Variants in PHYHD1 observed in about 807,000 individuals in gnomAD.
The protein encoded by PHYHD1 is phytanoyl-CoA dioxygenase domain containing 1.
PHYHD1 carries 42 observed loss-of-function variants against 43.6 expected under a neutral mutation model. The ratio of observed to expected loss-of-function variants is 0.96; its 90% CI spans 0.75 to 1.25. PHYHD1 has a LOEUF of 1.25. Ranked by LOEUF, PHYHD1 falls within the 50% of genes most tolerant of loss-of-function variation. The pLI is 0.00. For synonymous variants in PHYHD1, 139 were observed against 143.6 expected, an observed-to-expected ratio of 0.97 and a Z score of 0.23; for missense variants, 342 against 370.8, an observed-to-expected ratio of 0.92 and a Z score of 0.64.
At chr9:128,934,083 G>C (rs563478394) in intron 6 of PHYHD1, 25 bp downstream of exon 6, 30 of 1,609,582 alleles carry the variant, frequency 1.9e-5, no homozygotes, top group Non-Finnish European at 2.5e-5. Context: ...GGGGGTACAG[G>C]AAAGAAGATC....
At chr9:128,931,485 C>T (rs1348319358) in intron 4 of PHYHD1, among the ~76,000 whole-genome samples, 1 of 152,124 alleles carries the variant, frequency 6.6e-6, no homozygotes, top group Non-Finnish European at 1.5e-5. Flanking sequence ...CAGCCTCTGG[C>T]TGAAGCCTCC....
intron 6 of PHYHD1, 55 bp downstream of exon 6, chr9:128,934,113 G>A: frequency 1.9e-6 from 3 of 1,562,128 alleles, no homozygotes; most frequent in Non-Finnish European, 2.6e-6. Context: ...GCTGGGAGTG[G>A]TGGCTTACAC....
intron 8 of PHYHD1, among the ~76,000 whole-genome samples, chr9:128,937,005 C>T (rs1353544519): frequency 1.3e-5 from 2 of 152,098 alleles, no homozygotes; most frequent in African/African-American, 4.8e-5. Context: ...GTCCCAGCTA[C>T]TCGGGAGGCT....
intron 4 of PHYHD1, among the ~76,000 whole-genome samples, chr9:128,930,641 G>GA (rs1841248912): frequency 6.8e-6 from 1 of 147,826 alleles, no homozygotes; most frequent in Admixed American, 6.7e-5. Flanking sequence ...AAAAAAAAAA[G>GA]AAAAAAACAA....
Position 128,935,750 on chromosome 9 carries a change from T to C in PHYHD1, c.317-698T>C, listed in dbSNP as rs17452317. On this transcript the variant is annotated intron_variant, in intron 6 of 12. Transcript: ENST00000372592. ...AAAACCATTTCTACTAAAAATACAATAATTAGCTGGGCGTGGTGGCACATG... is the reference window on the plus strand; with the variant it reads ...AAAACCATTTCTACTAAAAATACAACAATTAGCTGGGCGTGGTGGCACATG... Among the ~76,000 whole-genome samples the C allele has an allele frequency of 1.4e-3, 206 of 151,108 alleles. 1 individual carries two copies. Among genetic ancestry groups the C allele is most frequent in the Non-Finnish European group, 6.3e-4 (43 of 67,744 alleles).
rs866814108 is a variant in PHYHD1 at position 128,934,108 on chromosome 9, G to A, written c.316+50G>A. ...GAAAGAAGATCGGGGAACAGGCTGG[G>A]AGTGGTGGCTTACACTTGTAATCCT... On this transcript the variant is annotated intron_variant, in intron 6 of 12. Coordinates refer to ENST00000372592, the MANE Select transcript of PHYHD1 (RefSeq NM_001100876.2). The A allele has an allele frequency of 1.8e-5, 28 of 1,575,322 alleles. No homozygotes were observed. In the Middle Eastern group the frequency reaches 2.2e-3, roughly 125 times the overall value.
At position 128,926,103 on chromosome 9, in the gene PHYHD1, T is replaced by A. The variant is rs571326467; in HGVS notation, c.34-935T>A. ...GCTTGCTTATAGCCATACTTTTAGC[T>A]CCTAAAACCGTGTCTCAGACACAGT... On this transcript the variant is annotated intron_variant, in intron 3 of 12. Coordinates refer to ENST00000372592, the MANE Select transcript of PHYHD1 (RefSeq NM_001100876.2). Among the ~76,000 whole-genome samples the A allele has an allele frequency of 2.0e-5, 3 of 152,266 alleles. No individual in the cohort carries two copies. The East Asian group carries it at 5.8e-4, about 29-fold the overall frequency.
chr9:128,927,357 A>G (rs1841163319), intron 4 of PHYHD1, among the ~76,000 whole-genome samples, 161 bp downstream of exon 4: 2 of 151,470 alleles, frequency 1.3e-5, no homozygotes, highest in Non-Finnish European at 2.9e-5. Context: ...GTTATCAAGT[A>G]GGCTTTATTG....
At chr9:128,933,881 T>C in intron 5 of PHYHD1, 24 bp downstream of exon 5, 1 of 1,611,726 alleles carries the variant, frequency 6.2e-7, no homozygotes, top group South Asian at 1.1e-5. Flanking sequence ...GCCCTAGAGC[T>C]GGGGAGGAGC....
At chr9:128,926,192 G>A (rs1261082266) in intron 3 of PHYHD1, among the ~76,000 whole-genome samples, 1 of 152,146 alleles carries the variant, frequency 6.6e-6, no homozygotes, top group Non-Finnish European at 1.5e-5. Flanking sequence ...ACCCAAGCCT[G>A]GAGGGGAAGG....
intron 6 of PHYHD1, among the ~76,000 whole-genome samples, chr9:128,935,850 C>T (rs749898616): frequency 1.1e-4 from 16 of 151,978 alleles, no homozygotes; most frequent in Admixed American, 9.8e-4. Context: ...TGCAGTGAGC[C>T]GAGATTGTGC....
At chr9:128,938,254 G>A (rs901092608) in intron 9 of PHYHD1, among the ~76,000 whole-genome samples, 4 of 152,060 alleles carry the variant, frequency 2.6e-5, no homozygotes, top group South Asian at 4.2e-4. Flanking sequence ...GTTGCAGTGA[G>A]CCAAGATCAC....
rs1170808670 is a variant in PHYHD1 at position 128,927,195 on chromosome 9, A to C, written c.191A>C (p.Gln64Pro). The C allele has an allele frequency of 7.4e-6, 12 of 1,613,840 alleles. No individual in the cohort carries two copies. The highest frequency in any genetic ancestry group is 9.3e-6 in the Non-Finnish European group (11 of 1,179,960). The change falls in exon 4 of 13, where the codon CAG becomes CCG. Residue 64 changes from glutamine to proline, a missense_variant and splice_region_variant. Gln to Pro is a moderately conservative substitution (Grantham distance 76). Coordinates refer to ENST00000372592, the MANE Select transcript of PHYHD1 (RefSeq NM_001100876.2). ...STQEEEQLRA[Q>P]GSTDYFLSSG... ...CAGGAAGAGGAGCAGCTTCGAGCCC[A>C]GGTAGGTGTCTGGGGCACATGAGGA...
At position 128,941,428 on chromosome 9, in the gene PHYHD1, G is replaced by A. The variant is rs1051934988; in HGVS notation, c.704-17G>A. 6 of 1,611,922 alleles carry A rather than the reference G, an allele frequency of 3.7e-6. No individual in the cohort carries two copies. Among genetic ancestry groups the A allele is most frequent in the Non-Finnish European group, 5.1e-6 (6 of 1,179,966 alleles). On this transcript the variant is annotated splice_polypyrimidine_tract_variant and intron_variant, in intron 11 of 12. Coordinates refer to ENST00000372592, the MANE Select transcript of PHYHD1 (RefSeq NM_001100876.2). Reference sequence around the variant, plus strand: ...TGTGGGGCTGGTAGGTTCCTGACCTGCTTGTGTCTCTGCCAGGGGCCCTGG... The same window carrying A: ...TGTGGGGCTGGTAGGTTCCTGACCTACTTGTGTCTCTGCCAGGGGCCCTGG...
At chr9:128,922,715 A>G (rs1254563419) in intron 3 of PHYHD1, among the ~76,000 whole-genome samples, 1 of 152,238 alleles carries the variant, frequency 6.6e-6, no homozygotes, top group Non-Finnish European at 1.5e-5. Context: ...ATGTTCGTCC[A>G]ATCACAAAAG....
rs1224852948 is a variant in PHYHD1, at chr9:128,941,516, G to A, written c.775G>A (p.Ala259Thr). ...KQNLSDRSRQ[A>T]YTFHLMEASG... ...GAACCTCTCTGACCGCTCGCGCCAG[G>A]CCTACACTTTCCACCTCATGGAGGC... The change falls in exon 12 of 13, where the codon GCC (alanine) becomes ACC (threonine). Residue 259 changes from alanine to threonine, a missense_variant. Coordinates refer to ENST00000372592, the MANE Select transcript of PHYHD1 (RefSeq NM_001100876.2). The A allele has an allele frequency of 6.2e-7, 1 of 1,613,982 alleles. No homozygotes were observed. The highest frequency in any genetic ancestry group is 8.5e-7 in the Non-Finnish European group (1 of 1,180,034).
chr9:128,932,166 A>ATTATTTTTTT (rs1564540372), intron 4 of PHYHD1, among the ~76,000 whole-genome samples: 8 of 122,738 alleles, frequency 6.5e-5, no homozygotes, highest in African/African-American at 2.1e-4. Flanking sequence ...TATTATTATT[A>ATTATTTTTTT]TTGTTATTAT....
At chr9:128,922,507 C>T in intron 3 of PHYHD1, 151 bp downstream of exon 3, 1 of 914,646 alleles carries the variant, frequency 1.1e-6, no homozygotes, top group Non-Finnish European at 1.6e-6. Context: ...GCAACCCCTC[C>T]TGACTTCTTC....
chr9:128,931,823 G>A (rs540540367), intron 4 of PHYHD1, among the ~76,000 whole-genome samples: 3 of 148,942 alleles, frequency 2.0e-5, no homozygotes, highest in East Asian at 1.9e-4. Flanking sequence ...CACCTCGCCC[G>A]GCCTTTCTTT....
Sources: gnomAD v4.1 joint callset for allele counts (sites outside exome capture counted in the v4.1 genomes callset) on GRCh38, gnomAD v4.1.1 for gene constraint, MANE v1.5 for transcripts, NCBI Gene and HGNC (gene_info 2026-07-23, HGNC 2026-07-21) for gene names.